Variants in ABCA4 observed in about 807,000 individuals in gnomAD.
ABCA4 encodes ATP binding cassette subfamily A member 4.
A neutral mutation model predicts 263.7 loss-of-function variants in ABCA4; 196 were observed. The observed-to-expected ratio is 0.74, with a 90% CI of 0.66 to 0.84. The LOEUF is 0.84. Ranked by LOEUF, ABCA4 falls within the 40% of genes least tolerant of loss-of-function variation. The pLI is 0.00. For missense variants in ABCA4, 2,792 were observed against 2,855.1 expected, an observed-to-expected ratio of 0.98 and a Z score of 0.50; for synonymous variants, 1,133 against 1,094.2, an observed-to-expected ratio of 1.04 and a Z score of -0.70.
chr1:94,054,573 G>A (rs1248493664), intron 16 of ABCA4, among the ~76,000 whole-genome samples: 1 of 152,168 alleles, frequency 6.6e-6, no homozygotes, highest in African/African-American at 2.4e-5. Context: ...GAGAACAGCA[G>A]GTGGAAAGGC....
intron 19 of ABCA4, 31 bp downstream of exon 19, chr1:94,046,888 T>C (rs1660699379): frequency 5.6e-6 from 9 of 1,611,722 alleles, no homozygotes; most frequent in Non-Finnish European, 6.8e-6. Context: ...CAGGCTAGCA[T>C]GGCAGCCAGC....
At chr1:94,046,280 TAAAAAAAAAAAA>T (rs11289565) in intron 19 of ABCA4, among the ~76,000 whole-genome samples, 1 of 77,092 alleles carries the variant, frequency 1.3e-5, no homozygotes, top group Non-Finnish European at 2.6e-5. Context: ...CTGTCTGTAC[TAAAAAAAAAAAA>T]AAAAAAAAAA....
chr1:94,024,692 C>T (rs948537470), intron 31 of ABCA4, among the ~76,000 whole-genome samples: 1 of 152,046 alleles, frequency 6.6e-6, no homozygotes, highest in Non-Finnish European at 1.5e-5. Flanking sequence ...TTTAATAATA[C>T]GTGGGTTAAA....
In ABCA4 at chr1:94,078,546, C is replaced by A. The variant is rs546145505; in HGVS notation, c.1356+44G>T. 2.5e-5 allele frequency: 25 copies of A among 992,302 alleles called. No homozygotes were observed. The East Asian group carries it at 7.7e-4, about 31-fold the overall frequency. 61.5% of individuals were successfully genotyped at this position (992,302 alleles called of 1,614,324 possible). On this transcript the variant is annotated intron_variant, in intron 10 of 49. Transcript: ENST00000370225. ...ACAAGTGGAACTTTCTTGCCCCCAC[C>A]GCTTCCTCCTCCCCTCCCCTCCCCA...
In ABCA4 at chr1:94,025,007, G is replaced by T. The variant is rs1475557615; in HGVS notation, c.4581C>A (p.Asp1527Glu). The T allele has an allele frequency of 6.2e-7, 1 of 1,614,166 alleles. No individual in the cohort carries two copies. The highest frequency in any genetic ancestry group is 8.5e-7 in the Non-Finnish European group (1 of 1,180,024). The part of the protein sequence containing the change: ...RSTEILQDLT[D>E]RNISDFLVKT... ...TTACCAAGAAGTCGGAGATGTTCCTGTCCGTCAGGTCTTGTAGAATTTCCG... is the reference window on the plus strand; with the variant it reads ...TTACCAAGAAGTCGGAGATGTTCCTTTCCGTCAGGTCTTGTAGAATTTCCG... The change falls in exon 31 of 50, where the codon GAC becomes GAA. Residue 1527 changes from aspartate (D) to glutamate (E), a missense_variant. By Grantham distance (45) the Asp-to-Glu change is conservative. Transcript: ENST00000370225.
chr1:94,023,296 A>G (rs1659948801), intron 32 of ABCA4, 90 bp downstream of exon 32: 2 of 1,122,816 alleles, frequency 1.8e-6, no homozygotes, highest in East Asian at 5.0e-5. Context: ...GCCCCTCCTC[A>G]TGGCTGTGAG....
chr1:94,121,122 G>A lies in ABCA4; in HGVS notation c.-77C>T. ...GCAAAGGACATAAACGCCGTTAAGA[G>A]CGCCTCTGGCTCCGGACGCTGTGTC... On this transcript the variant is annotated 5_prime_UTR_variant, in exon 1 of 50. Transcript: ENST00000370225. 2.2e-6 allele frequency: 3 copies of A among 1,351,048 alleles called. No homozygotes were observed. 83.7% of individuals were successfully genotyped at this position (1,351,048 alleles called of 1,614,324 possible). A position where few individuals can be genotyped will look rare whatever the true frequency, so the allele number is the denominator to read the frequency against.
At chr1:94,042,098 C>CAAAAAAAAAAAAAAAAAAAAA (rs11334956) in intron 22 of ABCA4, among the ~76,000 whole-genome samples, 7 of 81,268 alleles carry the variant, frequency 8.6e-5, no homozygotes, top group African/African-American at 1.5e-4. Context: ...GATTCTGTCT[C>CAAAAAAAAAAAAAAAAAAAAA]AAAAAAAAAA....
At chr1:94,029,283 T>G (rs1340215200) in intron 30 of ABCA4, among the ~76,000 whole-genome samples, 162 bp downstream of exon 30, 1 of 152,216 alleles carries the variant, frequency 6.6e-6, no homozygotes, top group Non-Finnish European at 1.5e-5. Context: ...CACAGCGCCC[T>G]GTGGGGAGCC....
At position 94,047,212 on chromosome 1, in the gene ABCA4, A is replaced by G. The variant is rs1004699238; in HGVS notation, c.2744-119T>C. The G allele has an allele frequency of 4.5e-6, 5 of 1,115,536 alleles. No individual in the cohort carries two copies. The African/African-American group carries it at 7.7e-5, about 17-fold the overall frequency. The allele number at this position is 1,115,536 out of a possible 1,614,324, so 69.1% of individuals were successfully genotyped here. A position where few individuals can be genotyped will look rare whatever the true frequency, so the allele number is the denominator to read the frequency against. On this transcript the variant is annotated intron_variant, in intron 18 of 49. Coordinates refer to ENST00000370225, the MANE Select transcript of ABCA4 (RefSeq NM_000350.3). ...GTCACCTGCCCCTGTGGCTTCGGCT[A>G]TCACCGTTGCAAGGAAGACTCCAGA...
At position 94,008,746 on chromosome 1, in the gene ABCA4, C is replaced by T. The variant is rs1659465057; in HGVS notation, c.5835+5G>A. On this transcript the variant is annotated splice_donor_5th_base_variant and intron_variant, in intron 41 of 49. Coordinates refer to ENST00000370225, the MANE Select transcript of ABCA4 (RefSeq NM_000350.3). The stretch of plus-strand genomic sequence containing the variant: ...GCACCTCCAAACTCATACCCATTCC[C>T]TTACCTTGGTTAGTTCATGTAGCCT... The T allele has an allele frequency of 6.2e-7, 1 of 1,614,030 alleles. No individual in the cohort carries two copies. Among genetic ancestry groups the T allele is most frequent in the East Asian group, 2.2e-5 (1 of 44,876 alleles).
At chr1:94,013,434 G>A (rs1161169406) in intron 38 of ABCA4, among the ~76,000 whole-genome samples, 1 of 152,196 alleles carries the variant, frequency 6.6e-6, no homozygotes, top group African/African-American at 2.4e-5. Context: ...AGGTGGAGGT[G>A]GGTGTGGCAG....
At position 94,079,439 on chromosome 1, in the gene ABCA4, G is replaced by A. The variant is rs1382594417; in HGVS notation, c.1122C>T (p.Ile374=). ...RRTTSFCNAL[I]QSLESNPLTK... is the part of the protein sequence containing the mutation. ...TTAAAGGATTTGACTCCAGGCTCTG[G>A]ATCAATGCATTACAAAAGGATGCTG... Residue 374 remains isoleucine (I), a synonymous_variant, in exon 9 of 50, where the codon ATC becomes ATT. Transcript: ENST00000370225. 3 of 1,614,152 alleles carry A rather than the reference G, an allele frequency of 1.9e-6. No homozygotes were observed. In the Admixed American group the frequency reaches 5.0e-5, roughly 27 times the overall value.
In ABCA4 at chr1:94,010,951, G is replaced by A. The variant is rs375880640; in HGVS notation, c.5585-22C>T. The stretch of plus-strand genomic sequence containing the variant: ...TCACCTGGGCATCAACAGGAATTGA[G>A]TCCACTTCAGCCGCCCCAGCTCACC... On this transcript the variant is annotated intron_variant, in intron 39 of 49. Transcript: ENST00000370225. 2.5e-6 allele frequency: 4 copies of A among 1,613,826 alleles called. No individual in the cohort carries two copies. The African/African-American group carries it at 5.3e-5, about 22-fold the overall frequency.
chr1:94,025,208 G>A (rs1660005579), intron 30 of ABCA4, among the ~76,000 whole-genome samples, 160 bp from the exon 31 acceptor site: 1 of 152,170 alleles, frequency 6.6e-6, no homozygotes, highest in African/African-American at 2.4e-5. Flanking sequence ...CTTCAATGAT[G>A]TGTAACTCAT....
At position 94,002,401 on chromosome 1, in the gene ABCA4, C is replaced by T. The variant is rs533532217; in HGVS notation, c.6148-409G>A. ...GGTTACACCCAAAGCCTTGTGCATC[C>T]GACACATACCTATGGAGCACTGACC... On this transcript the variant is annotated intron_variant, in intron 44 of 49. Coordinates refer to ENST00000370225, the MANE Select transcript of ABCA4 (RefSeq NM_000350.3). Among the ~76,000 whole-genome samples the T allele has an allele frequency of 2.3e-4, 35 of 152,354 alleles. 1 individual carries two copies. The highest frequency in any genetic ancestry group is 2.3e-3 in the South Asian group (11 of 4,830).
chr1:94,094,753 G>A (rs1483775150), intron 6 of ABCA4, among the ~76,000 whole-genome samples: 1 of 152,160 alleles, frequency 6.6e-6, no homozygotes, highest in Non-Finnish European at 1.5e-5. Flanking sequence ...AAGGATGGTA[G>A]GGGGAAGAGG....
chr1:94,092,660 G>C (rs1210129391), intron 6 of ABCA4, among the ~76,000 whole-genome samples: 3 of 152,144 alleles, frequency 2.0e-5, no homozygotes, highest in Non-Finnish European at 4.4e-5. Context: ...TTGGGTATGT[G>C]AACAGACAAG....
chr1:94,019,019 GTTTTT>G (rs757258025), intron 36 of ABCA4, among the ~76,000 whole-genome samples: 10 of 76,426 alleles, frequency 1.3e-4, no homozygotes, highest in African/African-American at 6.2e-4. Context: ...AAACAACCAG[GTTTTT>G]TTTTTTTTTT....
Sources: allele counts gnomAD v4.1 joint callset (sites outside exome capture counted in the v4.1 genomes callset), GRCh38; gene constraint gnomAD v4.1.1; transcripts MANE v1.5; gene names NCBI Gene and HGNC (gene_info 2026-07-23, HGNC 2026-07-21).